The following PTPRD variants were observed in gnomAD, a reference collection of about 807,000 sequenced individuals.
The protein encoded by PTPRD is protein tyrosine phosphatase receptor type D, also known as receptor-type tyrosine-protein phosphatase delta.
A neutral mutation model predicts 214.5 loss-of-function variants in PTPRD; 34 were observed. That is an observed-to-expected ratio of 0.16 (90% CI 0.12 to 0.21). The LOEUF is 0.21. PTPRD is among the 10% of genes least tolerant of loss of function. The pLI is 1.00. For synonymous variants in PTPRD, 1,128 were observed against 845.7 expected (o/e 1.33, Z -5.79); for missense variants, 2,545 against 2,398.7 (o/e 1.06, Z -1.27).
chr9:10,112,229 G>A (rs1198361353), intron 3 of PTPRD, among the ~76,000 whole-genome samples: 1 of 152,148 alleles, frequency 6.6e-6, no homozygotes, highest in Non-Finnish European at 1.5e-5. Context: ...GACTAGCCAG[G>A]AAGACAACCA....
chr9:8,669,473 C>T (rs1458730351), intron 12 of PTPRD, among the ~76,000 whole-genome samples: 1 of 151,986 alleles, frequency 6.6e-6, no homozygotes, highest in Non-Finnish European at 1.5e-5. Context: ...GTGGGAAATC[C>T]CATCCCTAGA....
intron 39 of PTPRD, among the ~76,000 whole-genome samples, chr9:8,357,639 G>C (rs1310784129): frequency 6.6e-6 from 1 of 152,098 alleles, no homozygotes; most frequent in East Asian, 1.9e-4. Flanking sequence ...GGAAAATGAA[G>C]TTTTTTTCTT....
chr9:9,097,171 C>A (rs991378363), intron 10 of PTPRD, among the ~76,000 whole-genome samples: 1 of 152,160 alleles, frequency 6.6e-6, no homozygotes. Flanking sequence ...GAGGCATACT[C>A]TTCTGATTTG....
rs141558067 is a variant in PTPRD at position 10,083,274 on chromosome 9, G to C, written c.-544-49484C>G. On this transcript the variant is annotated intron_variant, in intron 3 of 45. Transcript: ENST00000381196. ...TGTCTTTTTACATCATATTAAATTC[G>C]GTCTCCATTTGGATTAGAAGTCCTT... 3.0e-3 allele frequency among the ~76,000 whole-genome samples: 453 copies of C among 151,776 alleles called. 1 individual carries two copies. The highest frequency in any genetic ancestry group is 0.011 in the African/African-American group (438 of 41,394).
intron 11 of PTPRD, among the ~76,000 whole-genome samples, chr9:8,764,101 T>G (rs776935426): frequency 2.6e-5 from 4 of 152,202 alleles, no homozygotes; most frequent in Admixed American, 6.6e-5. Flanking sequence ...TAAAATAAAT[T>G]AAGGACACTC....
intron 2 of PTPRD, among the ~76,000 whole-genome samples, chr9:10,476,397 G>A (rs775404776): frequency 2.0e-5 from 3 of 151,774 alleles, no homozygotes; most frequent in African/African-American, 4.8e-5. Context: ...GCTACAAAGA[G>A]GAGAATAAAA....
intron 7 of PTPRD, among the ~76,000 whole-genome samples, chr9:9,608,873 C>T (rs1405864863): frequency 2.0e-5 from 3 of 152,266 alleles, no homozygotes; most frequent in Middle Eastern, 6.8e-3. Context: ...GACTCATTGC[C>T]TTTCATATGC....
At chr9:10,298,387 T>C (rs1268173340) in intron 3 of PTPRD, among the ~76,000 whole-genome samples, 1 of 142,800 alleles carries the variant, frequency 7.0e-6, no homozygotes, top group African/African-American at 2.8e-5. Context: ...CCAATTATAG[T>C]ACGATATGAT....
At chr9:9,949,035 C>G (rs1037125704) in intron 4 of PTPRD, among the ~76,000 whole-genome samples, 1 of 151,782 alleles carries the variant, frequency 6.6e-6, no homozygotes, top group Non-Finnish European at 1.5e-5. Flanking sequence ...GTGAAGAATA[C>G]GAGAAAACAA....
At chr9:9,444,289 T>C (rs1002814952) in intron 8 of PTPRD, among the ~76,000 whole-genome samples, 2 of 152,150 alleles carry the variant, frequency 1.3e-5, no homozygotes, top group African/African-American at 4.8e-5. Context: ...GAGACCTCAT[T>C]AGAGATTAAA....
At chr9:9,485,414 C>G (rs1301047322) in intron 8 of PTPRD, among the ~76,000 whole-genome samples, 1 of 152,102 alleles carries the variant, frequency 6.6e-6, no homozygotes, top group Non-Finnish European at 1.5e-5. Flanking sequence ...GAATATAGCA[C>G]CTCTACTTAT....
chr9:9,838,003 G>T (rs148527745), intron 5 of PTPRD, among the ~76,000 whole-genome samples: 1 of 152,050 alleles, frequency 6.6e-6, no homozygotes, highest in African/African-American at 2.4e-5. Context: ...CCACCAATGA[G>T]TGAGAACACA....
rs188935462 is a variant in PTPRD, at chr9:8,643,386, A to G, written c.65-6542T>C. ...GGAAGGAAGGAAGGCAGGAAGAAAG[A>G]AAGGAAGGAAGGAAAATATATGAAA... is the stretch of plus-strand genomic sequence containing the variant. On this transcript the variant is annotated intron_variant, in intron 12 of 45. Coordinates refer to ENST00000381196, the MANE Select transcript of PTPRD (RefSeq NM_002839.4). Among the ~76,000 whole-genome samples the G allele has an allele frequency of 2.7e-5, 4 of 149,882 alleles. No individual in the cohort carries two copies. In the South Asian group the frequency reaches 8.3e-4, roughly 31 times the overall value.
intron 13 of PTPRD, among the ~76,000 whole-genome samples, chr9:8,634,028 A>G (rs1035473564): frequency 6.6e-6 from 1 of 151,870 alleles, no homozygotes; most frequent in African/African-American, 2.4e-5. Context: ...GTGTGCATTA[A>G]TTTTGCCATA....
intron 7 of PTPRD, among the ~76,000 whole-genome samples, chr9:9,622,288 T>A (rs2095270659): frequency 6.6e-6 from 1 of 152,164 alleles, no homozygotes; most frequent in African/African-American, 2.4e-5. Flanking sequence ...TTTCCTATTT[T>A]CTCACAGGAA....
At chr9:9,520,926 C>A (rs2096955742) in intron 8 of PTPRD, among the ~76,000 whole-genome samples, 1 of 152,092 alleles carries the variant, frequency 6.6e-6, no homozygotes, top group Non-Finnish European at 1.5e-5. Context: ...AGTTCCAGAC[C>A]AACTGCACCA....
intron 11 of PTPRD, among the ~76,000 whole-genome samples, chr9:8,972,661 C>A (rs192487429): frequency 1.3e-4 from 19 of 151,978 alleles, no homozygotes; most frequent in African/African-American, 4.1e-4. Flanking sequence ...AAACACTTCA[C>A]GGATGCAAAG....
intron 6 of PTPRD, 35 bp from the exon 7 acceptor site, chr9:9,734,606 T>C (rs1425855815): frequency 6.6e-6 from 1 of 151,820 alleles, no homozygotes; most frequent in Non-Finnish European, 1.5e-5. Context: ...AGACAGAAAA[T>C]AAGAGTTTTT....
rs2135918533 is a variant in PTPRD at position 8,485,878 on chromosome 9, G to A, written c.2939C>T (p.Thr980Ile). 1 of 1,614,170 alleles carries A rather than the reference G, an allele frequency of 6.2e-7. No homozygotes were observed. ...QLIVPADTTM[T>I]LTGLKPDTTY... The stretch of plus-strand genomic sequence containing the variant: ...GGTATCTGGTTTTAAGCCAGTGAGT[G>A]TCATAGTGGTGTCAGCTGGAACAAT... Residue 980 changes from threonine (T) to isoleucine (I), a missense_variant, in exon 28 of 46, where the codon ACA becomes ATA. By Grantham distance (89) the Thr-to-Ile change is moderately conservative. Coordinates refer to ENST00000381196, the MANE Select transcript of PTPRD (RefSeq NM_002839.4).
Sources: gnomAD v4.1 joint callset for allele counts (sites outside exome capture counted in the v4.1 genomes callset) on GRCh38, gnomAD v4.1.1 for gene constraint, MANE v1.5 for transcripts, NCBI Gene and HGNC (gene_info 2026-07-23, HGNC 2026-07-21) for gene names.